The following ALS2 variants were observed in gnomAD, a reference collection of about 807,000 sequenced individuals.
ALS2 encodes the protein alsin.
ALS2 carries 117 observed loss-of-function variants against 203.4 expected under a neutral mutation model. The ratio of observed to expected loss-of-function variants is 0.58; its 90% CI spans 0.50 to 0.67. ALS2 has a LOEUF of 0.67. Among genes scored for constraint, ALS2 ranks in the 30% least tolerant of loss-of-function variants. ALS2 has a pLI of 0.00. For synonymous variants in ALS2, 718 were observed against 725.9 expected (o/e 0.99, Z 0.17); for missense variants, 1,715 against 1,989.4 (o/e 0.86, Z 2.62).
At chr2:201,726,635 C>G (rs772281236) in intron 18 of ALS2, 29 bp downstream of exon 18, 1 of 1,611,614 alleles carries the variant, frequency 6.2e-7, no homozygotes, top group South Asian at 1.1e-5. Flanking sequence ...ATCATCCTCA[C>G]CCCAGGCATA....
At chr2:201,770,448 T>G (rs1355983946) in intron 1 of ALS2, among the ~76,000 whole-genome samples, 1 of 36,930 alleles carries the variant, frequency 2.7e-5, no homozygotes, top group Admixed American at 3.3e-4. Flanking sequence ...TCACCACCAC[T>G]CATTTTTTTT....
Sources: allele counts gnomAD v4.1 joint callset (sites outside exome capture counted in the v4.1 genomes callset), GRCh38; gene constraint gnomAD v4.1.1; transcripts MANE v1.5; gene names NCBI Gene and HGNC (gene_info 2026-07-23, HGNC 2026-07-21).